The following SPMIP8 variants were observed in gnomAD, a reference collection of about 807,000 sequenced individuals.
SPMIP8 encodes sperm microtubule inner protein 8, also known as testicular tissue protein Li 196.
At chr16:57,985,253 A>G in the SPMIP8 span, 1 of 1,557,466 alleles carries the variant, frequency 6.4e-7, no homozygotes, top group Non-Finnish European at 8.7e-7. Context: ...GCCCGACGTG[A>G]CCCAGACCTG....
the SPMIP8 span, among the ~76,000 whole-genome samples, chr16:57,981,407 A>AATAATAATTATTATTATTATTATTATT: frequency 1.8e-5 from 1 of 56,406 alleles, no homozygotes; most frequent in East Asian, 3.5e-4. Context: ...TTATTATTAT[A>AATAATAATTATTATTATTATTATTATT]ATAATAATTA....
chr16:57,977,783 G>A, the SPMIP8 span: 3 of 1,596,178 alleles, frequency 1.9e-6, no homozygotes, highest in East Asian at 6.7e-5. Flanking sequence ...CATGAGCCCA[G>A]GGTGAGCCCC....
chr16:57,984,869 G>C, the SPMIP8 span: 1 of 1,527,408 alleles, frequency 6.5e-7, no homozygotes, highest in Non-Finnish European at 8.8e-7. Flanking sequence ...GCTGGAGCAG[G>C]GAACGTGGAC....
chr16:57,977,930 G>A, the SPMIP8 span: 2 of 1,614,136 alleles, frequency 1.2e-6, no homozygotes, highest in East Asian at 2.2e-5. Context: ...CGGGCGTGAA[G>A]CAGCAGCTCT....
the SPMIP8 span, chr16:57,984,803 G>T: frequency 3.7e-6 from 6 of 1,606,304 alleles, no homozygotes; most frequent in African/African-American, 4.0e-5. Context: ...CTTGCCTGAG[G>T]AAGCGAGGTC....
chr16:57,980,137 G>A, the SPMIP8 span, among the ~76,000 whole-genome samples: 1 of 152,188 alleles, frequency 6.6e-6, no homozygotes, highest in Non-Finnish European at 1.5e-5. Flanking sequence ...GCTGCCAGGT[G>A]GCCATCCCAC....
chr16:57,984,898 C>G, the SPMIP8 span: 12 of 1,457,724 alleles, frequency 8.2e-6, no homozygotes, highest in Non-Finnish European at 9.1e-6. Flanking sequence ...GGAACGCAGG[C>G]GGCGGGCCAG....
the SPMIP8 span, among the ~76,000 whole-genome samples, chr16:57,980,236 G>A: frequency 6.6e-6 from 1 of 152,150 alleles, no homozygotes; most frequent in Non-Finnish European, 1.5e-5. Context: ...TCAAAGGGTT[G>A]GCTAAACATA....
chr16:57,982,698 C>T, the SPMIP8 span, among the ~76,000 whole-genome samples: 1 of 152,198 alleles, frequency 6.6e-6, no homozygotes, highest in Non-Finnish European at 1.5e-5. Flanking sequence ...AATATATATT[C>T]TCTGTTTCCA....
the SPMIP8 span, chr16:57,984,682 G>C: frequency 6.3e-7 from 1 of 1,595,618 alleles, no homozygotes; most frequent in Non-Finnish European, 8.5e-7. Context: ...TACCACGAGG[G>C]AAAGCTGGCG....
At chr16:57,985,887 C>A in the SPMIP8 span, 1 of 1,607,550 alleles carries the variant, frequency 6.2e-7, no homozygotes, top group Admixed American at 1.7e-5. Flanking sequence ...ATCTCGTGCT[C>A]ACCCGCCCCG....
the SPMIP8 span, chr16:57,984,621 C>T: frequency 1.0e-5 from 16 of 1,557,938 alleles, no homozygotes; most frequent in Non-Finnish European, 1.4e-5. Flanking sequence ...GGCCTGACCC[C>T]CGTGGCCCTG....
the SPMIP8 span, among the ~76,000 whole-genome samples, chr16:57,978,881 T>C: frequency 6.6e-6 from 1 of 152,148 alleles, no homozygotes; most frequent in Non-Finnish European, 1.5e-5. Flanking sequence ...CCTCCCAAAG[T>C]GCTGAGATTA....
chr16:57,985,858 G>C, the SPMIP8 span: 1 of 1,578,116 alleles, frequency 6.3e-7, no homozygotes, highest in Non-Finnish European at 8.6e-7. Flanking sequence ...GAGGCGCCCA[G>C]AGAGGGTCGC....
At chr16:57,983,624 A>T in the SPMIP8 span, among the ~76,000 whole-genome samples, 16 of 152,040 alleles carry the variant, frequency 1.1e-4, no homozygotes, top group Non-Finnish European at 1.5e-4. Flanking sequence ...ATTAAAAAAA[A>T]ATTTTTTAAG....
At chr16:57,984,595 C>T in the SPMIP8 span, 2 of 1,510,380 alleles carry the variant, frequency 1.3e-6, no homozygotes, top group South Asian at 2.6e-5. Context: ...TAGGCTCCTG[C>T]GGCTACGGCC....
chr16:57,976,675 C>A, the SPMIP8 span: 1 of 1,605,992 alleles, frequency 6.2e-7, no homozygotes, highest in Non-Finnish European at 8.5e-7. Context: ...TTCCCCATAT[C>A]CGTGATCCCC....
the SPMIP8 span, chr16:57,984,821 G>A: frequency 3.1e-6 from 5 of 1,587,916 alleles, no homozygotes; most frequent in Non-Finnish European, 3.4e-6. Flanking sequence ...GTCAGTCTAC[G>A]GGCCGCTGAA....
the SPMIP8 span, among the ~76,000 whole-genome samples, chr16:57,977,577 GTGTGTGTGTA>G: frequency 1.8e-3 from 255 of 139,926 alleles, 1 homozygote; most frequent in Non-Finnish European, 2.4e-3. Context: ...GTGTGTGTGT[GTGTGTGTGTA>G]TGTGTGTGTT....
Sources: allele counts gnomAD v4.1 joint callset (sites outside exome capture counted in the v4.1 genomes callset), GRCh38; gene constraint gnomAD v4.1.1; transcripts MANE v1.5; gene names NCBI Gene and HGNC (gene_info 2026-07-23, HGNC 2026-07-21).